The following RABGAP1L variants were observed in gnomAD, a reference collection of about 807,000 sequenced individuals.
RABGAP1L encodes the protein rab GTPase-activating protein 1-like.
A neutral mutation model predicts 137.7 loss-of-function variants in RABGAP1L; 63 were observed. The ratio of observed to expected loss-of-function variants is 0.46; its 90% CI spans 0.37 to 0.56. RABGAP1L has a LOEUF of 0.56. RABGAP1L is among the 20% of genes least tolerant of loss of function. RABGAP1L has a pLI of 0.00. For missense variants in RABGAP1L, 1,095 were observed against 1,244.0 expected (o/e 0.88, Z 1.80); for synonymous variants, 431 against 433.7 (o/e 0.99, Z 0.08).
chr1:174,964,990 G>A lies in RABGAP1L; in HGVS notation c.2434-4287G>A, dbSNP rs1669491316. Reference sequence around the variant, plus strand: ...TGGTCTATGACTTTTGAGGAGGTAAGTTTTTTTTTTAATCTATGTATGTCT... The same window carrying A: ...TGGTCTATGACTTTTGAGGAGGTAAATTTTTTTTTTAATCTATGTATGTCT... On this transcript the variant is annotated intron_variant, in intron 20 of 25. Transcript: ENST00000681986. 3 of 1,352,034 alleles carry A rather than the reference G, an allele frequency of 2.2e-6. No individual in the cohort carries two copies. In the African/African-American group the frequency reaches 4.5e-5, roughly 20 times the overall value. The allele number at this position is 1,352,034 out of a possible 1,614,324, so 83.8% of individuals were successfully genotyped here.
At chr1:174,285,556 A>G (rs983854591) in intron 10 of RABGAP1L, among the ~76,000 whole-genome samples, 7 of 147,260 alleles carry the variant, frequency 4.8e-5, no homozygotes, top group African/African-American at 1.3e-4. Flanking sequence ...AGAATTTTCT[A>G]TGTAATAAGA....
At chr1:174,824,269 G>A (rs1010303878) in intron 19 of RABGAP1L, among the ~76,000 whole-genome samples, 4 of 151,868 alleles carry the variant, frequency 2.6e-5, no homozygotes, top group East Asian at 1.9e-4. Context: ...CAGCCTGGGC[G>A]AAAGAGTAAA....
At chr1:174,396,988 A>G (rs979039859) in intron 13 of RABGAP1L, among the ~76,000 whole-genome samples, 12 of 151,694 alleles carry the variant, frequency 7.9e-5, no homozygotes, top group Non-Finnish European at 1.6e-4. Flanking sequence ...AAAAAAAAAA[A>G]AAAATTAGCT....
At chr1:174,526,346 C>G (rs1279753855) in intron 13 of RABGAP1L, among the ~76,000 whole-genome samples, 1 of 152,008 alleles carries the variant, frequency 6.6e-6, no homozygotes, top group Non-Finnish European at 1.5e-5. Context: ...CATGGTAATG[C>G]TGGATTCATG....
chr1:174,584,962 G>GTAT (rs1669011538), intron 13 of RABGAP1L, among the ~76,000 whole-genome samples: 1 of 152,014 alleles, frequency 6.6e-6, no homozygotes, highest in Admixed American at 6.6e-5. Flanking sequence ...CTAGCCACAT[G>GTAT]TATTATCAAG....
At chr1:174,944,898 C>T (rs1666487367) in intron 19 of RABGAP1L, among the ~76,000 whole-genome samples, 1 of 152,118 alleles carries the variant, frequency 6.6e-6, no homozygotes, top group Non-Finnish European at 1.5e-5. Flanking sequence ...TGTCTACAGC[C>T]TTCTGTCTCT....
At chr1:174,675,027 A>G (rs1677503699) in intron 14 of RABGAP1L, among the ~76,000 whole-genome samples, 1 of 151,824 alleles carries the variant, frequency 6.6e-6, no homozygotes, top group Admixed American at 6.6e-5. Context: ...ATTTTCTCCC[A>G]TTTTGTAGGT....
Position 174,562,908 on chromosome 1 carries a change from G to A in RABGAP1L, c.1711-74467G>A, listed in dbSNP as rs140790802. ...TTAGGAGAAATACCTAATGTAGATG[G>A]TGGGTTGTTGGGTGCAGCAAACCAC... On this transcript the variant is annotated intron_variant, in intron 13 of 25. Transcript: ENST00000681986. Among the ~76,000 whole-genome samples the A allele has an allele frequency of 1.3e-3, 193 of 152,222 alleles. 1 individual carries two copies. The highest frequency in any genetic ancestry group is 4.4e-3 in the African/African-American group (181 of 41,534).
intron 15 of RABGAP1L, 112 bp from the exon 16 acceptor site, chr1:174,699,410 ATTT>A: frequency 1.2e-6 from 1 of 869,524 alleles, no homozygotes; most frequent in Non-Finnish European, 1.7e-6. Context: ...GAAGGACTTC[ATTT>A]GCTCCAGGCC....
rs1007162181 is a variant in RABGAP1L at position 174,527,205 on chromosome 1, T to A, written c.1711-110170T>A. Among the ~76,000 whole-genome samples the A allele has an allele frequency of 1.8e-4, 9 of 48,934 alleles. No individual in the cohort carries two copies. The African/African-American group carries it at 2.4e-3, about 13-fold the overall frequency. The allele number at this position is 48,934 out of a possible 152,430, so 32.1% of individuals were successfully genotyped here. On this transcript the variant is annotated intron_variant, in intron 13 of 25. Coordinates refer to ENST00000681986, the MANE Select transcript of RABGAP1L (RefSeq NM_001366446.1). The stretch of plus-strand genomic sequence containing the variant: ...GAGAAAACATATGATTTTTATTTTG[T>A]TTTTTTTTTTTTTTTTGAGACAGAA...
At chr1:174,647,941 G>A (rs1423899915) in intron 14 of RABGAP1L, among the ~76,000 whole-genome samples, 2 of 152,058 alleles carry the variant, frequency 1.3e-5, no homozygotes, top group Non-Finnish European at 2.9e-5. Flanking sequence ...TTGGGAGGGT[G>A]TATGTATTCA....
At chr1:174,960,077 A>ACTT (rs1668950791) in intron 20 of RABGAP1L, among the ~76,000 whole-genome samples, 1 of 152,206 alleles carries the variant, frequency 6.6e-6, no homozygotes, top group African/African-American at 2.4e-5. Context: ...AACTTGCACC[A>ACTT]GTTCAGTAAC....
intron 13 of RABGAP1L, among the ~76,000 whole-genome samples, chr1:174,402,683 T>G (rs1648752711): frequency 6.6e-6 from 1 of 152,194 alleles, no homozygotes; most frequent in Non-Finnish European, 1.5e-5. Context: ...TTATTATTCC[T>G]GTTAAGCTGC....
intron 18 of RABGAP1L, among the ~76,000 whole-genome samples, chr1:174,806,293 G>A (rs1689290779): frequency 6.6e-6 from 1 of 152,156 alleles, no homozygotes; most frequent in Non-Finnish European, 1.5e-5. Context: ...TATCTGCAGA[G>A]CCAGCTCATT....
chr1:174,431,446 ATTTTCAT>A (rs1411760995), intron 13 of RABGAP1L, among the ~76,000 whole-genome samples: 2 of 152,138 alleles, frequency 1.3e-5, no homozygotes, highest in Admixed American at 6.5e-5. Context: ...TTTTAAGTGT[ATTTTCAT>A]ACCTGTTGCC....
At chr1:174,595,892 G>A (rs1479715520) in intron 13 of RABGAP1L, among the ~76,000 whole-genome samples, 1 of 107,512 alleles carries the variant, frequency 9.3e-6, no homozygotes, top group East Asian at 2.2e-4. Flanking sequence ...CCCAGTTCGA[G>A]CTTCCCTGCT....
chr1:174,921,999 G>C (rs908096120), intron 19 of RABGAP1L: 1 of 152,216 alleles, frequency 6.6e-6, no homozygotes, highest in African/African-American at 2.4e-5. Flanking sequence ...GGGGGATGCT[G>C]TTTTGATACA....
At chr1:174,707,290 A>C (rs1027207695) in intron 17 of RABGAP1L, among the ~76,000 whole-genome samples, 1 of 152,094 alleles carries the variant, frequency 6.6e-6, no homozygotes, top group Admixed American at 6.5e-5. Context: ...AGAGTCCATG[A>C]ATACGCAACA....
In RABGAP1L at chr1:174,853,485, A is replaced by G. The variant is rs186857854; in HGVS notation, c.2340+41525A>G. ...AGTGGCTCACGCCTGTAATCCCAGC[A>G]CTTTGGGAGGCTGAGGCAGGTGGAT... On this transcript the variant is annotated intron_variant, in intron 19 of 25. Transcript: ENST00000681986. Among the ~76,000 whole-genome samples, 1,492 of 152,268 alleles carry G rather than the reference A, an allele frequency of 9.8e-3. 11 individuals are homozygous for G. The highest frequency in any genetic ancestry group is 0.013 in the Non-Finnish European group (891 of 68,014).
Sources: allele counts gnomAD v4.1 joint callset (sites outside exome capture counted in the v4.1 genomes callset), GRCh38; gene constraint gnomAD v4.1.1; transcripts MANE v1.5; gene names NCBI Gene and HGNC (gene_info 2026-07-23, HGNC 2026-07-21).